Variants in ADCY8 observed in about 807,000 individuals in gnomAD.
ADCY8 encodes adenylate cyclase 8, also known as adenylate cyclase type 8.
ADCY8 carries 51 observed loss-of-function variants against 119.7 expected under a neutral mutation model. The ratio of observed to expected loss-of-function variants is 0.43; its 90% CI spans 0.34 to 0.54. ADCY8 has a LOEUF of 0.54. Ranked by LOEUF, ADCY8 falls within the 20% of genes least tolerant of loss-of-function variation. The pLI is 0.03. For missense variants in ADCY8, 1,383 were observed against 1,598.8 expected (o/e 0.87, Z 2.30); for synonymous variants, 665 against 651.0 (o/e 1.02, Z -0.33).
intron 2 of ADCY8, among the ~76,000 whole-genome samples, chr8:130,988,064 G>A (rs546585499): frequency 1.8e-4 from 28 of 152,330 alleles, no homozygotes; most frequent in African/African-American, 6.7e-4. Flanking sequence ...CCATGCCATT[G>A]ATGGGCAAAC....
intron 2 of ADCY8, among the ~76,000 whole-genome samples, chr8:130,962,077 T>C (rs1821623386): frequency 6.6e-6 from 1 of 152,200 alleles, no homozygotes; most frequent in Admixed American, 6.5e-5. Context: ...AAAATTTTAC[T>C]GGTAAAATTC....
intron 1 of ADCY8, among the ~76,000 whole-genome samples, chr8:130,993,699 T>C (rs937164199): frequency 6.6e-6 from 1 of 152,224 alleles, no homozygotes; most frequent in Non-Finnish European, 1.5e-5. Context: ...ATGTAAGACA[T>C]GCCTTTCTCC....
chr8:130,787,041 A>C (rs1815268351), intron 15 of ADCY8, among the ~76,000 whole-genome samples: 1 of 152,150 alleles, frequency 6.6e-6, no homozygotes, highest in Admixed American at 6.5e-5. Flanking sequence ...CAGTGTGGTA[A>C]GCCAGGCCAT....
At chr8:130,800,719 G>T in intron 14 of ADCY8, 147 bp from the exon 15 acceptor site, 1 of 849,996 alleles carries the variant, frequency 1.2e-6, no homozygotes, top group Non-Finnish European at 1.8e-6. Flanking sequence ...TATGTCAACA[G>T]TGTGTTTTAG....
chr8:130,996,131 A>T (rs1822765125), intron 1 of ADCY8, among the ~76,000 whole-genome samples: 1 of 152,144 alleles, frequency 6.6e-6, no homozygotes. Context: ...AATACTAACA[A>T]ATGCATGAGA....
intron 14 of ADCY8, among the ~76,000 whole-genome samples, chr8:130,809,436 C>G (rs1180382181): frequency 6.6e-6 from 1 of 152,208 alleles, no homozygotes; most frequent in Non-Finnish European, 1.5e-5. Flanking sequence ...TACCTTTGCT[C>G]TGGCCTGTTC....
At chr8:130,867,789 C>T in intron 9 of ADCY8, 57 bp downstream of exon 9, 1 of 1,291,396 alleles carries the variant, frequency 7.7e-7, no homozygotes, top group African/African-American at 1.5e-5. Flanking sequence ...TGGCTGACTC[C>T]ACATGAGGAA....
At chr8:130,978,538 C>A (rs975265895) in intron 2 of ADCY8, among the ~76,000 whole-genome samples, 1 of 152,096 alleles carries the variant, frequency 6.6e-6, no homozygotes, top group Admixed American at 6.6e-5. Context: ...TCATTTGATA[C>A]AGTGTTAGTG....
chr8:130,799,786 C>T (rs76813621), intron 15 of ADCY8, among the ~76,000 whole-genome samples: 2,758 of 152,290 alleles, frequency 0.018, 90 homozygotes, highest in African/African-American at 0.063. Context: ...TGGCTTATTC[C>T]GTAGCATTTT....
At chr8:130,820,447 AG>A (rs1472049036) in intron 13 of ADCY8, among the ~76,000 whole-genome samples, 1 of 152,190 alleles carries the variant, frequency 6.6e-6, no homozygotes, top group Non-Finnish European at 1.5e-5. Flanking sequence ...AAGGGTAGTG[AG>A]GGAGGCAGTG....
At chr8:130,863,548 T>C (rs937802391) in intron 9 of ADCY8, among the ~76,000 whole-genome samples, 2 of 152,130 alleles carry the variant, frequency 1.3e-5, no homozygotes, top group Non-Finnish European at 2.9e-5. Flanking sequence ...TTGTTCACCT[T>C]GTTTAACATT....
At chr8:130,977,076 A>G (rs934720611) in intron 2 of ADCY8, among the ~76,000 whole-genome samples, 16 of 152,316 alleles carry the variant, frequency 1.1e-4, no homozygotes, top group South Asian at 2.1e-4. Context: ...CGAAACAGAA[A>G]TTGATCAGAG....
At chr8:130,842,149 TCTG>T (rs1229830468) in intron 11 of ADCY8, among the ~76,000 whole-genome samples, 1 of 152,210 alleles carries the variant, frequency 6.6e-6, no homozygotes, top group Non-Finnish European at 1.5e-5. Context: ...TTTTGAAAAA[TCTG>T]CTGTTATTCA....
intron 1 of ADCY8, among the ~76,000 whole-genome samples, chr8:131,002,973 G>A (rs1822998457): frequency 6.6e-6 from 1 of 152,170 alleles, no homozygotes; most frequent in African/African-American, 2.4e-5. Flanking sequence ...GGCCAAGGCA[G>A]GTGCATCACC....
At chr8:130,866,255 CCT>C (rs757527316) in intron 9 of ADCY8, among the ~76,000 whole-genome samples, 40 of 151,568 alleles carry the variant, frequency 2.6e-4, no homozygotes, top group Non-Finnish European at 5.5e-4. Flanking sequence ...CCCGGAATCC[CCT>C]CTCTCTTTCT....
At chr8:130,817,996 A>T (rs2130186290) in intron 13 of ADCY8, among the ~76,000 whole-genome samples, 1 of 152,334 alleles carries the variant, frequency 6.6e-6, no homozygotes, top group East Asian at 1.9e-4. Flanking sequence ...AGTCTATAAA[A>T]CCAACCAATT....
intron 11 of ADCY8, among the ~76,000 whole-genome samples, chr8:130,846,389 A>G (rs1216333203): frequency 2.6e-5 from 4 of 152,172 alleles, no homozygotes; most frequent in Non-Finnish European, 5.9e-5. Context: ...ACATATTATG[A>G]TCATAGGTGG....
Position 130,836,454 on chromosome 8 carries a change from A to C in ADCY8, c.2503-5T>G, listed in dbSNP as rs1816990116. 2 of 1,612,596 alleles carry C rather than the reference A, an allele frequency of 1.2e-6. No homozygotes were observed. Among genetic ancestry groups the C allele is most frequent in the Non-Finnish European group, 1.7e-6 (2 of 1,179,248 alleles). ...CACCCCCGTGAAGACAAAGTACTGG[A>C]AACAGAGAATGCAGGTGGTCAGATT... is the stretch of plus-strand genomic sequence containing the variant. On this transcript the variant is annotated splice_polypyrimidine_tract_variant and splice_region_variant and intron_variant, in intron 11 of 17. Transcript: ENST00000286355.
intron 1 of ADCY8, among the ~76,000 whole-genome samples, chr8:131,001,253 G>A (rs1451964295): frequency 2.0e-5 from 3 of 152,078 alleles, no homozygotes; most frequent in East Asian, 3.9e-4. Context: ...GAGATTAGAC[G>A]CTCTCCACAG....
Sources: gnomAD v4.1 joint callset for allele counts (sites outside exome capture counted in the v4.1 genomes callset) on GRCh38, gnomAD v4.1.1 for gene constraint, MANE v1.5 for transcripts, NCBI Gene and HGNC (gene_info 2026-07-23, HGNC 2026-07-21) for gene names.